ANKRD11: variants seen among roughly 807,000 people sequenced by gnomAD.
ANKRD11 encodes the protein ankyrin repeat domain 11.
A neutral mutation model predicts 195.7 loss-of-function variants in ANKRD11; 17 were observed. The observed-to-expected ratio is 0.09, with a 90% CI of 0.06 to 0.13. ANKRD11 has a LOEUF of 0.13. Ranked by LOEUF, ANKRD11 falls within the 10% of genes least tolerant of loss-of-function variation. ANKRD11 has a pLI of 1.00. For missense variants in ANKRD11, 3,735 were observed against 3,566.1 expected, an observed-to-expected ratio of 1.05 and a Z score of -1.21; for synonymous variants, 1,953 against 1,528.1, an observed-to-expected ratio of 1.28 and a Z score of -6.49.
intron 2 of ANKRD11, among the ~76,000 whole-genome samples, chr16:89,351,427 C>A (rs2039214113): frequency 6.6e-6 from 1 of 152,210 alleles, no homozygotes; most frequent in South Asian, 2.1e-4. Flanking sequence ...CCTCCACTAC[C>A]TCCGCAAATC....
intron 7 of ANKRD11, 154 bp from the exon 8 acceptor site, chr16:89,286,340 C>T: frequency 1.8e-6 from 2 of 1,118,510 alleles, no homozygotes; most frequent in South Asian, 2.6e-5. Flanking sequence ...CGCCCAGGGA[C>T]TGCCTGGCGA....
intron 2 of ANKRD11, among the ~76,000 whole-genome samples, chr16:89,330,321 G>C (rs979351565): frequency 1.3e-5 from 2 of 152,236 alleles, no homozygotes; most frequent in Admixed American, 1.3e-4. Flanking sequence ...GGGTGGGAAG[G>C]CTCGGGAGAC....
intron 1 of ANKRD11, among the ~76,000 whole-genome samples, chr16:89,441,418 TCACC>T (rs2043460500): frequency 6.6e-6 from 1 of 151,916 alleles, no homozygotes; most frequent in Non-Finnish European, 1.5e-5. Context: ...ATATATTCCA[TCACC>T]CAGCAACAAA....
At chr16:89,355,595 A>C (rs1425629056) in intron 2 of ANKRD11, among the ~76,000 whole-genome samples, 1 of 152,156 alleles carries the variant, frequency 6.6e-6, no homozygotes, top group Non-Finnish European at 1.5e-5. Context: ...CAACCAACTC[A>C]AAAATAGACT....
chr16:89,440,761 G>A (rs1350605309), intron 1 of ANKRD11, among the ~76,000 whole-genome samples: 1 of 152,214 alleles, frequency 6.6e-6, no homozygotes, highest in African/African-American at 2.4e-5. Context: ...CACCCAGCAA[G>A]GGGCTACAGA....
chr16:89,282,053 T>C lies in ANKRD11; in HGVS notation c.4489A>G (p.Arg1497Gly). 6.2e-7 allele frequency: 1 copy of C among 1,612,144 alleles called. No individual in the cohort carries two copies. Among genetic ancestry groups the C allele is most frequent in the South Asian group, 1.1e-5 (1 of 90,586 alleles). Residue 1497 changes from arginine (R) to glycine (G), a missense_variant, in exon 9 of 13, where the codon AGG (arginine) becomes GGG (glycine). Transcript: ENST00000301030. The part of the protein sequence containing the change: ...HHRDELLRHH[R>G]DEQKPATRDK... ...CTGGTGGCGGGCTTCTGCTCGTCCC[T>C]GTGATGCCGCAGGAGCTCGTCCCTG...
chr16:89,268,447 CTCGCCTGCGTCCT>C lies in ANKRD11; in HGVS notation c.*18_*30del. On this transcript the variant is annotated 3_prime_UTR_variant, in exon 13 of 13. Transcript: ENST00000301030. ...AGCAGTCCTGGGCAGCCGTGCGGCC[CTCGCCTGCGTCCT>C]GCGGCCGTCCCGCGGTGTCATGCCG... The C allele has an allele frequency of 9.7e-7, 1 of 1,028,160 alleles. No homozygotes were observed. Among genetic ancestry groups the C allele is most frequent in the Admixed American group, 2.2e-5 (1 of 46,400 alleles). The allele number at this position is 1,028,160 out of a possible 1,614,324, so 63.7% of individuals were successfully genotyped here. A position where few individuals can be genotyped will look rare whatever the true frequency, so the allele number is the denominator to read the frequency against.
intron 7 of ANKRD11, chr16:89,287,023 G>C: frequency 7.8e-7 from 1 of 1,289,566 alleles, no homozygotes; most frequent in Non-Finnish European, 1.0e-6. Flanking sequence ...GTTTTCTATG[G>C]TGACTACACA....
chr16:89,490,087 G>A (rs1490390020), intron 1 of ANKRD11, among the ~76,000 whole-genome samples, 158 bp downstream of exon 1: 1 of 140,404 alleles, frequency 7.1e-6, no homozygotes, highest in East Asian at 2.1e-4. Flanking sequence ...ATCGCCCCGG[G>A]CCCCCAAAGA....
intron 2 of ANKRD11, among the ~76,000 whole-genome samples, chr16:89,338,713 C>T (rs1215663788): frequency 1.1e-5 from 1 of 91,236 alleles, no homozygotes; most frequent in Non-Finnish European, 1.9e-5. Context: ...CAGCAAAGAG[C>T]AACACTCAGT....
intron 3 of ANKRD11, among the ~76,000 whole-genome samples, chr16:89,315,741 G>C (rs989140968): frequency 7.9e-5 from 12 of 152,204 alleles, no homozygotes; most frequent in Non-Finnish European, 1.6e-4. Flanking sequence ...ACCTGCACGT[G>C]TCCGTATTCA....
chr16:89,297,364 C>T (rs2035506977), intron 4 of ANKRD11: 1 of 152,208 alleles, frequency 6.6e-6, no homozygotes, highest in Non-Finnish European at 1.5e-5. Flanking sequence ...AAGTTCACGG[C>T]CGATGGCGGT....
chr16:89,441,935 C>G (rs1307731238), intron 1 of ANKRD11, among the ~76,000 whole-genome samples: 3 of 152,178 alleles, frequency 2.0e-5, no homozygotes, highest in Non-Finnish European at 4.4e-5. Context: ...CATGCAAAGA[C>G]CTTTCCCAAA....
chr16:89,411,133 C>A (rs948798076), intron 2 of ANKRD11, among the ~76,000 whole-genome samples: 11 of 152,266 alleles, frequency 7.2e-5, no homozygotes, highest in African/African-American at 2.7e-4. Context: ...CAGAAGGCAG[C>A]AGCACAGGGG....
Position 89,276,766 on chromosome 16 carries a change from T to C in ANKRD11, c.7471-1575A>G, listed in dbSNP as rs181395032. Among the ~76,000 whole-genome samples the C allele has an allele frequency of 2.6e-5, 4 of 152,288 alleles. No individual in the cohort carries two copies. The East Asian group carries it at 7.7e-4, about 29-fold the overall frequency. ...TGCCCATCTAAAATCAGTTCAAAATTAATGATTTAGGCCGAGCGCAGTGGC... is the reference window on the plus strand; with the variant it reads ...TGCCCATCTAAAATCAGTTCAAAATCAATGATTTAGGCCGAGCGCAGTGGC... On this transcript the variant is annotated intron_variant, in intron 9 of 12. Coordinates refer to ENST00000301030, the MANE Select transcript of ANKRD11 (RefSeq NM_013275.6).
At chr16:89,308,345 T>A (rs1473590983) in intron 3 of ANKRD11, among the ~76,000 whole-genome samples, 1 of 152,206 alleles carries the variant, frequency 6.6e-6, no homozygotes, top group Non-Finnish European at 1.5e-5. Context: ...AATTCCACAC[T>A]GTTTGTGATG....
At chr16:89,362,398 G>A (rs936124896) in intron 2 of ANKRD11, among the ~76,000 whole-genome samples, 5 of 152,152 alleles carry the variant, frequency 3.3e-5, no homozygotes, top group Middle Eastern at 3.2e-3. Context: ...GAGAGTGCAC[G>A]AAAGTTCCAT....
rs200120019 is a variant in ANKRD11, at chr16:89,290,588, G to C, written c.601+37C>G. 51 of 1,604,530 alleles carry C rather than the reference G, an allele frequency of 3.2e-5. No homozygotes were observed. In the African/African-American group the frequency reaches 6.7e-4, roughly 21 times the overall value. ...ACTGGGGGAGGCTCAGGGCTCCAGT[G>C]GGGCTCTCTGGCCCTTGCCAGGCAC... On this transcript the variant is annotated intron_variant, in intron 6 of 12. Coordinates refer to ENST00000301030, the MANE Select transcript of ANKRD11 (RefSeq NM_013275.6).
chr16:89,355,830 T>C (rs919159149), intron 2 of ANKRD11, among the ~76,000 whole-genome samples: 1 of 152,190 alleles, frequency 6.6e-6, no homozygotes, highest in Non-Finnish European at 1.5e-5. Flanking sequence ...TCTGTGGCTC[T>C]CCTGTGCGCA....
Sources: allele counts gnomAD v4.1 joint callset (sites outside exome capture counted in the v4.1 genomes callset), GRCh38; gene constraint gnomAD v4.1.1; transcripts MANE v1.5; gene names NCBI Gene and HGNC (gene_info 2026-07-23, HGNC 2026-07-21).